Variants in STRN3 observed in about 807,000 individuals in gnomAD.
STRN3 encodes the protein striatin-3.
STRN3 carries 29 observed loss-of-function variants against 95.6 expected under a neutral mutation model. The ratio of observed to expected loss-of-function variants is 0.30; its 90% CI spans 0.23 to 0.41. STRN3 has a LOEUF of 0.41. Among genes scored for constraint, STRN3 ranks in the 10% least tolerant of loss-of-function variants. STRN3 has a pLI of 1.00. For missense variants in STRN3, 890 were observed against 972.1 expected (o/e 0.92, Z 1.12); for synonymous variants, 331 against 357.6 (o/e 0.93, Z 0.84).
Position 31,010,464 on chromosome 14 carries a change from T to C in STRN3, c.282+15440A>G, listed in dbSNP as rs564035038. The stretch of plus-strand genomic sequence containing the variant: ...CACTCCTGAAACTTATCAATTTTAA[T>C]AAAAGAAAATAATCTACTTTATAAT... On this transcript the variant is annotated intron_variant, in intron 1 of 17. Coordinates refer to ENST00000357479, the MANE Select transcript of STRN3 (RefSeq NM_001083893.2). Among the ~76,000 whole-genome samples the C allele has an allele frequency of 2.0e-5, 3 of 147,712 alleles. No homozygotes were observed. In the East Asian group the frequency reaches 6.1e-4, roughly 30 times the overall value.
chr14:30,943,805 C>T (rs78192502), intron 5 of STRN3, among the ~76,000 whole-genome samples: 2,837 of 151,964 alleles, frequency 0.019, 45 homozygotes, highest in Non-Finnish European at 0.029. Context: ...TTGCATGAGT[C>T]CAATCATGAG....
At chr14:30,971,683 T>C (rs1042563592) in intron 1 of STRN3, among the ~76,000 whole-genome samples, 5 of 152,204 alleles carry the variant, frequency 3.3e-5, no homozygotes, top group Admixed American at 6.5e-5. Flanking sequence ...AATAAAAGTA[T>C]AACAAAAGCA....
chr14:30,961,950 T>G (rs906901999), intron 1 of STRN3, among the ~76,000 whole-genome samples: 1 of 148,598 alleles, frequency 6.7e-6, no homozygotes, highest in Non-Finnish European at 1.5e-5. Flanking sequence ...AAAAGAAAAG[T>G]TAACTGCAAA....
chr14:31,005,856 G>A (rs1049459001), intron 1 of STRN3, among the ~76,000 whole-genome samples: 15 of 152,280 alleles, frequency 9.9e-5, no homozygotes, highest in South Asian at 2.1e-4. Flanking sequence ...AGTGGCTCAC[G>A]CCCGTAATCC....
At chr14:30,899,316 T>C (rs1396349875) in intron 16 of STRN3, among the ~76,000 whole-genome samples, 2 of 152,218 alleles carry the variant, frequency 1.3e-5, no homozygotes, top group African/African-American at 4.8e-5. Flanking sequence ...TCTACCAAAA[T>C]TTTAGAAACC....
At chr14:30,905,028 A>G (rs193001461) in intron 15 of STRN3, among the ~76,000 whole-genome samples, 129 of 152,092 alleles carry the variant, frequency 8.5e-4, no homozygotes, top group Non-Finnish European at 1.6e-3. Context: ...GACCTGAGAG[A>G]CCTATCAAAC....
intron 13 of STRN3, among the ~76,000 whole-genome samples, chr14:30,907,354 GT>G (rs1270030724): frequency 5.3e-5 from 8 of 149,762 alleles, no homozygotes; most frequent in Non-Finnish European, 1.2e-4. Context: ...CTCATTTAAA[GT>G]GTATACTTCA....
chr14:30,945,574 C>A (rs1461468496), intron 5 of STRN3, among the ~76,000 whole-genome samples: 5 of 151,982 alleles, frequency 3.3e-5, no homozygotes, highest in Admixed American at 3.3e-4. Context: ...CCACTGTACT[C>A]CAGCCTGGGA....
intron 1 of STRN3, among the ~76,000 whole-genome samples, chr14:30,986,883 A>C (rs899743704): frequency 6.6e-6 from 1 of 152,204 alleles, no homozygotes; most frequent in Admixed American, 6.5e-5. Flanking sequence ...CACATACTAC[A>C]TATTTAATTT....
intron 1 of STRN3, among the ~76,000 whole-genome samples, chr14:30,984,042 C>T (rs918142691): frequency 1.3e-5 from 2 of 150,844 alleles, no homozygotes; most frequent in South Asian, 4.2e-4. Flanking sequence ...GCAACAACAA[C>T]AAAAAGGATG....
chr14:30,964,012 G>A (rs1880345146), intron 1 of STRN3, among the ~76,000 whole-genome samples: 1 of 152,194 alleles, frequency 6.6e-6, no homozygotes, highest in Non-Finnish European at 1.5e-5. Flanking sequence ...AACACTTTGA[G>A]AGGCTGAGGC....
chr14:30,909,872 A>T (rs1219201858), intron 13 of STRN3, among the ~76,000 whole-genome samples: 1 of 152,216 alleles, frequency 6.6e-6, no homozygotes, highest in Admixed American at 6.5e-5. Context: ...CTCACCCATC[A>T]CTTTATCTAC....
chr14:31,007,540 T>C lies in STRN3; in HGVS notation c.282+18364A>G, dbSNP rs540265323. Among the ~76,000 whole-genome samples, 707 of 152,298 alleles carry C rather than the reference T, an allele frequency of 4.6e-3. 5 individuals are homozygous for C. Among genetic ancestry groups the C allele is most frequent in the African/African-American group, 0.016 (677 of 41,554 alleles). ...CTGGAATATTATCTATATTGGAATA[T>C]GATGAAAGGAGATATAAGATGTGTA... On this transcript the variant is annotated intron_variant, in intron 1 of 17. Transcript: ENST00000357479.
At chr14:30,926,132 A>C (rs568517610) in intron 8 of STRN3, among the ~76,000 whole-genome samples, 1 of 152,144 alleles carries the variant, frequency 6.6e-6, no homozygotes. Flanking sequence ...AAAGTTTTCA[A>C]TTTATAAACC....
intron 1 of STRN3, among the ~76,000 whole-genome samples, chr14:31,002,985 C>T (rs1172474390): frequency 6.6e-6 from 1 of 151,992 alleles, no homozygotes; most frequent in Admixed American, 6.6e-5. Context: ...AAGATGAGGC[C>T]GGGCACGGTG....
At chr14:30,949,985 G>A (rs1025575214) in intron 4 of STRN3, among the ~76,000 whole-genome samples, 13 of 152,108 alleles carry the variant, frequency 8.5e-5, no homozygotes, top group Non-Finnish European at 1.8e-4. Flanking sequence ...ACAAGGGCTA[G>A]AGTTTTTCAG....
intron 1 of STRN3, among the ~76,000 whole-genome samples, chr14:30,991,927 T>TAA (rs11411363): frequency 1.4e-3 from 205 of 142,294 alleles, no homozygotes; most frequent in East Asian, 1.4e-3. Flanking sequence ...CTCTATTCTT[T>TAA]AAAAAAAAAA....
At chr14:30,982,098 C>CAAAA (rs11451891) in intron 1 of STRN3, among the ~76,000 whole-genome samples, 2,261 of 75,234 alleles carry the variant, frequency 0.03, 177 homozygotes, top group African/African-American at 0.047. Flanking sequence ...CTCTGTCTCA[C>CAAAA]AAAAAAAAAA....
chr14:31,025,914 G>C lies in STRN3; in HGVS notation c.272C>G (p.Ala91Gly), dbSNP rs765632393. Residue 91 changes from alanine to glycine, a missense_variant, in exon 1 of 18, where the codon GCC becomes GGC. By Grantham distance (60) the Ala-to-Gly change is moderately conservative. Around this residue, in one of 3 missense-constraint regions of STRN3, gnomAD observed 526 missense variants for 526.3 expected, o/e 1.00. Transcript: ENST00000357479. ...ACCCCAACGAGGTACCTGCAGTTCG[G>C]CCCGTTCCACCTCCCAGTGCGCCCG... ...MERAHWEVER[A>G]ELQARIAFLQ... The C allele has an allele frequency of 9.4e-6, 15 of 1,600,860 alleles. No homozygotes were observed. In the South Asian group the frequency reaches 1.7e-4, roughly 18 times the overall value.
Sources: allele counts gnomAD v4.1 joint callset (sites outside exome capture counted in the v4.1 genomes callset), GRCh38; gene constraint gnomAD v4.1.1; regional missense constraint gnomAD v4.1.1; transcripts MANE v1.5; gene names NCBI Gene and HGNC (gene_info 2026-07-23, HGNC 2026-07-21).